The following SLC26A8 variants were observed in gnomAD, a reference collection of about 807,000 sequenced individuals.
SLC26A8 encodes the protein testis anion transporter 1.
A neutral mutation model predicts 105.0 loss-of-function variants in SLC26A8; 70 were observed. The observed-to-expected ratio is 0.67, with a 90% CI of 0.55 to 0.81. The LOEUF (loss-of-function observed/expected upper bound fraction) is 0.81, where lower values mean the gene tolerates loss of function less well. Among genes scored for constraint, SLC26A8 ranks in the 40% least tolerant of loss-of-function variants. The pLI, the probability that SLC26A8 is intolerant of heterozygous loss-of-function variation, is 0.00. For missense variants in SLC26A8, 998 were observed against 1,181.8 expected (o/e 0.84, Z 2.28); for synonymous variants, 415 against 438.3 (o/e 0.95, Z 0.66).
intron 3 of SLC26A8, among the ~76,000 whole-genome samples, chr6:36,002,532 T>G (rs1185868124): frequency 1.3e-5 from 2 of 152,212 alleles, no homozygotes; most frequent in African/African-American, 2.4e-5. Flanking sequence ...GCTAGATTTT[T>G]AATTTTAGTG....
At position 35,977,077 on chromosome 6, in the gene SLC26A8, T is replaced by C. The variant is rs1176084393; in HGVS notation, c.1173+127A>G. 3.9e-6 allele frequency: 4 copies of C among 1,030,086 alleles called. No homozygotes were observed. The Admixed American group carries it at 1.1e-4, about 30-fold the overall frequency. The allele number at this position is 1,030,086 out of a possible 1,614,324, so 63.8% of individuals were successfully genotyped here. The stretch of plus-strand genomic sequence containing the variant: ...TATCCCTCACCTCTCAAAAATCCTT[T>C]GTGATTACTGTCCAAACCATGGTCC... On this transcript the variant is annotated intron_variant, in intron 9 of 19. Coordinates refer to ENST00000490799, the MANE Select transcript of SLC26A8 (RefSeq NM_052961.4).
At chr6:35,944,399 A>T (rs1381802533) in intron 19 of SLC26A8, 59 bp from the exon 20 acceptor site, 1 of 1,223,810 alleles carries the variant, frequency 8.2e-7, no homozygotes, top group African/African-American at 1.5e-5. Context: ...TGCTGAACGC[A>T]GTGGCTCATA....
rs1214587137 is a variant in SLC26A8, at chr6:35,943,716, A to G, written c.*184T>C. The G allele has an allele frequency of 2.6e-4, 201 of 773,032 alleles. No homozygotes were observed. The highest frequency in any genetic ancestry group is 2.0e-6 in the Non-Finnish European group (1 of 505,898). The allele number at this position is 773,032 out of a possible 1,614,324, so 47.9% of individuals were successfully genotyped here. On this transcript the variant is annotated 3_prime_UTR_variant, in exon 20 of 20. Coordinates refer to ENST00000490799, the MANE Select transcript of SLC26A8 (RefSeq NM_052961.4). ...AATTCAGAGATAATTGTTGGCATTT[A>G]GTAATGTGATTTGGGAGTATGATCC...
intron 7 of SLC26A8, among the ~76,000 whole-genome samples, chr6:35,987,283 A>T (rs537795701): frequency 3.0e-4 from 45 of 152,304 alleles, no homozygotes; most frequent in African/African-American, 9.9e-4. Context: ...TTTTTTGCCC[A>T]CACAAAGTCC....
At chr6:35,951,104 C>CCA in intron 19 of SLC26A8, 59 bp downstream of exon 19, 27 of 1,463,004 alleles carry the variant, frequency 1.8e-5, no homozygotes, top group East Asian at 4.8e-5. Flanking sequence ...ACCCCTCACC[C>CCA]ATCCCCCCAC....
At chr6:35,966,517 A>G (rs1287422908) in intron 11 of SLC26A8, among the ~76,000 whole-genome samples, 3 of 152,208 alleles carry the variant, frequency 2.0e-5, no homozygotes, top group Admixed American at 1.3e-4. Flanking sequence ...CCATTATCCC[A>G]GAGATAACCA....
chr6:35,965,261 A>G (rs577957376), intron 11 of SLC26A8, among the ~76,000 whole-genome samples: 1 of 152,204 alleles, frequency 6.6e-6, no homozygotes, highest in Non-Finnish European at 1.5e-5. Context: ...GAAAATGAGC[A>G]TGTTTACTTT....
At chr6:35,994,355 C>T (rs2127351502) in intron 5 of SLC26A8, among the ~76,000 whole-genome samples, 1 of 151,958 alleles carries the variant, frequency 6.6e-6, no homozygotes, top group Non-Finnish European at 1.5e-5. Flanking sequence ...ACCTTGTGAT[C>T]CGCCCGCCTC....
At chr6:35,995,649 G>A (rs1761330797) in intron 5 of SLC26A8, among the ~76,000 whole-genome samples, 3 of 148,194 alleles carry the variant, frequency 2.0e-5, no homozygotes, top group African/African-American at 7.5e-5. Flanking sequence ...TGCTACAGGC[G>A]TGCACCACCA....
rs760904652 is a variant in SLC26A8, at chr6:35,992,663, G to A, written c.639C>T (p.Gly213=). ...TGGCAATGAAGCCCAAACCCAATAC[G>A]CCCATTATTAGCTGCAGAGAAGAGA... The part of the protein sequence containing the change: ...FLTGIIQLIM[G]VLGLGFIATY... Residue 213 remains glycine, a synonymous_variant, in exon 6 of 20, where the codon GGC becomes GGT. Transcript: ENST00000490799. The A allele has an allele frequency of 1.9e-5, 31 of 1,609,406 alleles. No homozygotes were observed. The highest frequency in any genetic ancestry group is 5.3e-5 in the African/African-American group (4 of 74,782).
At chr6:36,005,756 T>C (rs1761667766) in intron 3 of SLC26A8, among the ~76,000 whole-genome samples, 1 of 152,216 alleles carries the variant, frequency 6.6e-6, no homozygotes, top group African/African-American at 2.4e-5. Context: ...TTTGAAAATA[T>C]GCAAATCCTG....
rs140617734 is a variant in SLC26A8 at position 35,987,426 on chromosome 6, C to T, written c.942+4233G>A. 1.8e-3 allele frequency among the ~76,000 whole-genome samples: 274 copies of T among 152,196 alleles called. 4 individuals are homozygous for T. In the South Asian group the frequency reaches 0.037, roughly 21 times the overall value. On this transcript the variant is annotated intron_variant, in intron 7 of 19. Coordinates refer to ENST00000490799, the MANE Select transcript of SLC26A8 (RefSeq NM_052961.4). ...TCTTGCTGTCTCCCAGGCTGGAGTG[C>T]AGTGGCATGATCTCAGCTCACTGCA...
intron 2 of SLC26A8, 51 bp from the exon 3 acceptor site, chr6:36,012,423 C>A (rs746227311): frequency 6.6e-7 from 1 of 1,525,850 alleles, no homozygotes; most frequent in Non-Finnish European, 8.7e-7. Flanking sequence ...AGAAAATGCC[C>A]GCATAGCCAA....
chr6:36,024,239 G>A (rs1762202389), intron 1 of SLC26A8: 1 of 318,848 alleles, frequency 3.1e-6, no homozygotes, highest in Admixed American at 4.5e-5. Context: ...AATATAGACA[G>A]GAGAATTTGA....
At chr6:36,014,153 T>G (rs771869411) in intron 2 of SLC26A8, among the ~76,000 whole-genome samples, 2 of 152,194 alleles carry the variant, frequency 1.3e-5, no homozygotes, top group Non-Finnish European at 2.9e-5. Flanking sequence ...TGAGCCTCTG[T>G]GGAGAAGAGT....
intron 17 of SLC26A8, among the ~76,000 whole-genome samples, chr6:35,954,041 T>A (rs1037131535): frequency 2.0e-5 from 3 of 152,138 alleles, no homozygotes; most frequent in African/African-American, 7.2e-5. Flanking sequence ...TTCAGGATGT[T>A]CAAACCTGAG....
chr6:36,014,496 T>G (rs1761943759), intron 2 of SLC26A8, among the ~76,000 whole-genome samples: 1 of 152,116 alleles, frequency 6.6e-6, no homozygotes, highest in Non-Finnish European at 1.5e-5. Context: ...GATTTGCAGT[T>G]GCTAAAGAGG....
Position 35,951,706 on chromosome 6 carries a change from G to A in SLC26A8, c.2233-207C>T, listed in dbSNP as rs914727056. Among the ~76,000 whole-genome samples, 4 of 152,210 alleles carry A rather than the reference G, an allele frequency of 2.6e-5. 1 individual carries two copies. The highest frequency in any genetic ancestry group is 1.5e-5 in the Non-Finnish European group (1 of 68,006). On this transcript the variant is annotated intron_variant, in intron 17 of 19. Transcript: ENST00000490799. ...TGATTTGTCCACCTCAGCCTCCCAA[G>A]TAGCTGAGACTACAGGTGCATACCA...
At chr6:35,973,055 T>C (rs1042643024) in intron 10 of SLC26A8, among the ~76,000 whole-genome samples, 9 of 152,250 alleles carry the variant, frequency 5.9e-5, no homozygotes, top group Non-Finnish European at 1.0e-4. Context: ...TTGCAATATT[T>C]ATGCCGCTTT....
Sources: gnomAD v4.1 joint callset for allele counts (sites outside exome capture counted in the v4.1 genomes callset) on GRCh38, gnomAD v4.1.1 for gene constraint, MANE v1.5 for transcripts, NCBI Gene and HGNC (gene_info 2026-07-23, HGNC 2026-07-21) for gene names.